The following OXR1 variants were observed in gnomAD, a reference collection of about 807,000 sequenced individuals.
The protein encoded by OXR1 is oxidation resistance 1.
Under a neutral mutation model 104.6 loss-of-function variants are expected in OXR1, and 41 were observed. The ratio of observed to expected loss-of-function variants is 0.39; its 90% confidence interval spans 0.31 to 0.51. The LOEUF is 0.51. OXR1 is among the 20% of genes least tolerant of loss of function. The probability of loss-of-function intolerance (pLI) is 0.77; values close to 1 mark genes in which losing one functional copy is unlikely to be tolerated. For synonymous variants in OXR1, 348 were observed against 348.4 expected (o/e 1.00, Z 0.01); for missense variants, 955 against 1,031.9 (o/e 0.93, Z 1.02).
chr8:106,673,650 C>T (rs1383903164), intron 3 of OXR1, among the ~76,000 whole-genome samples: 10 of 152,132 alleles, frequency 6.6e-5, no homozygotes, highest in South Asian at 2.1e-4. Flanking sequence ...CAGAGACCTT[C>T]GTGGTTGCCC....
At chr8:106,643,713 C>T (rs1823847510) in intron 3 of OXR1, among the ~76,000 whole-genome samples, 1 of 152,074 alleles carries the variant, frequency 6.6e-6, no homozygotes, top group Non-Finnish European at 1.5e-5. Context: ...TGTCATGTGG[C>T]AGCATTTCCC....
intron 1 of OXR1, among the ~76,000 whole-genome samples, chr8:106,275,679 C>G (rs759946577): frequency 7.9e-5 from 12 of 152,134 alleles, no homozygotes; most frequent in Non-Finnish European, 1.2e-4. Context: ...TAAAAACAAA[C>G]TTGCTGCTTA....
intron 1 of OXR1, among the ~76,000 whole-genome samples, chr8:106,302,980 C>T (rs904052293): frequency 6.6e-6 from 1 of 151,872 alleles, no homozygotes; most frequent in African/African-American, 2.4e-5. Context: ...GTCTCAATCT[C>T]CTGACCTCGT....
At chr8:106,697,395 G>C in intron 7 of OXR1, 1 of 1,349,190 alleles carries the variant, frequency 7.4e-7, no homozygotes, top group Non-Finnish European at 1.0e-6. Flanking sequence ...ACCACTCGTG[G>C]GAGGGCAGGG....
intron 2 of OXR1, among the ~76,000 whole-genome samples, chr8:106,505,919 G>A (rs1037330933): frequency 6.6e-6 from 1 of 152,212 alleles, no homozygotes; most frequent in Non-Finnish European, 1.5e-5. Flanking sequence ...TGCTCTGGTT[G>A]CTATAGCAGA....
At chr8:106,520,308 C>A (rs1586751615) in intron 3 of OXR1, among the ~76,000 whole-genome samples, 2 of 151,296 alleles carry the variant, frequency 1.3e-5, no homozygotes, top group South Asian at 4.2e-4. Context: ...GTAGCCATTC[C>A]TAGAAATGAT....
At chr8:106,538,772 T>G (rs1400185816) in intron 3 of OXR1, among the ~76,000 whole-genome samples, 2 of 148,580 alleles carry the variant, frequency 1.3e-5, no homozygotes, top group Non-Finnish European at 3.0e-5. Context: ...ACAGGCTTTT[T>G]GCATGCAGTA....
intron 1 of OXR1, among the ~76,000 whole-genome samples, chr8:106,306,302 TATATC>T (rs904127129): frequency 2.0e-5 from 3 of 152,132 alleles, no homozygotes; most frequent in African/African-American, 7.2e-5. Context: ...ATTTCATTCT[TATATC>T]ATAATACATT....
At chr8:106,325,687 A>G (rs1270273035) in intron 1 of OXR1, among the ~76,000 whole-genome samples, 1 of 152,168 alleles carries the variant, frequency 6.6e-6, no homozygotes, top group Non-Finnish European at 1.5e-5. Flanking sequence ...AGTCACATTT[A>G]TTTACTTGAT....
intron 2 of OXR1, among the ~76,000 whole-genome samples, chr8:106,489,507 A>T (rs1008381138): frequency 1.1e-4 from 17 of 152,184 alleles, no homozygotes; most frequent in Admixed American, 9.2e-4. Flanking sequence ...TGTATCTGAC[A>T]TATATCATAT....
chr8:106,470,227 T>C (rs1046888124), intron 2 of OXR1, among the ~76,000 whole-genome samples: 1 of 151,840 alleles, frequency 6.6e-6, no homozygotes, highest in Non-Finnish European at 1.5e-5. Context: ...CTGTAAATAC[T>C]AAATTTTCTC....
At chr8:106,691,988 C>T (rs113829724) in intron 6 of OXR1, among the ~76,000 whole-genome samples, 40,747 of 145,680 alleles carry the variant, frequency 0.28, 7,083 homozygotes, top group African/African-American at 0.5. Flanking sequence ...TATATATATA[C>T]ACACACACAC....
chr8:106,553,877 G>A (rs1232689754), intron 3 of OXR1, among the ~76,000 whole-genome samples: 1 of 152,078 alleles, frequency 6.6e-6, no homozygotes, highest in Non-Finnish European at 1.5e-5. Context: ...GCTCCCTGAT[G>A]GCCAAGTGAA....
chr8:106,420,730 T>TTGTGTGTGTGTGTG (rs6150748), intron 2 of OXR1, among the ~76,000 whole-genome samples: 1,752 of 147,260 alleles, frequency 0.012, 49 homozygotes, highest in African/African-American at 0.041. Context: ...CATTAAAATA[T>TTGTGTGTGTGTGTG]TGTGTGTGTG....
chr8:106,488,604 G>A (rs1307615535), intron 2 of OXR1, among the ~76,000 whole-genome samples: 2 of 151,104 alleles, frequency 1.3e-5, no homozygotes, highest in Admixed American at 6.6e-5. Flanking sequence ...TTTTGTATAA[G>A]GTGTAAGGAA....
intron 3 of OXR1, among the ~76,000 whole-genome samples, chr8:106,676,068 T>C (rs1827559022): frequency 6.6e-6 from 1 of 152,230 alleles, no homozygotes; most frequent in Non-Finnish European, 1.5e-5. Context: ...TGATCTTTGT[T>C]GGTTTAAAGT....
intron 3 of OXR1, among the ~76,000 whole-genome samples, chr8:106,673,344 G>T (rs1012610082): frequency 1.3e-5 from 2 of 152,170 alleles, no homozygotes; most frequent in Non-Finnish European, 1.5e-5. Context: ...TGAGAGAGAT[G>T]AAATAGGGTA....
chr8:106,717,401 A>G (rs1349582552), intron 11 of OXR1, among the ~76,000 whole-genome samples: 3 of 152,126 alleles, frequency 2.0e-5, no homozygotes, highest in Non-Finnish European at 4.4e-5. Flanking sequence ...AGAATTTAGG[A>G]TGAACTTGTT....
intron 13 of OXR1, 116 bp downstream of exon 13, chr8:106,739,699 C>A: frequency 2.1e-6 from 2 of 940,942 alleles, no homozygotes; most frequent in Non-Finnish European, 3.1e-6. Flanking sequence ...CTATTCCACT[C>A]CAGTGAAAAG....
Sources: allele counts gnomAD v4.1 joint callset (sites outside exome capture counted in the v4.1 genomes callset), GRCh38; gene constraint gnomAD v4.1.1; transcripts MANE v1.5; gene names NCBI Gene and HGNC (gene_info 2026-07-23, HGNC 2026-07-21).